Variants in PCSK5 observed in about 807,000 individuals in gnomAD.
PCSK5 encodes the protein proprotein convertase subtilisin/kexin type 5, also known as prohormone convertase 5.
A neutral mutation model predicts 233.2 loss-of-function variants in PCSK5; 129 were observed. The observed-to-expected ratio is 0.55, with a 90% CI of 0.48 to 0.64. PCSK5 has a LOEUF of 0.64. Ranked by LOEUF, PCSK5 falls within the 30% of genes least tolerant of loss-of-function variation. The pLI is 0.00. For missense variants in PCSK5, 2,076 were observed against 2,430.1 expected, an observed-to-expected ratio of 0.85 and a Z score of 3.06; for synonymous variants, 825 against 879.2, an observed-to-expected ratio of 0.94 and a Z score of 1.09.
intron 1 of PCSK5, among the ~76,000 whole-genome samples, chr9:75,904,063 G>A (rs75297312): frequency 0.021 from 3,167 of 152,116 alleles, 40 homozygotes; most frequent in South Asian, 0.033. Flanking sequence ...ACTATGGGGC[G>A]TCTTTCAATT....
At chr9:75,959,858 A>G (rs117384806) in intron 2 of PCSK5, among the ~76,000 whole-genome samples, 2,430 of 152,350 alleles carry the variant, frequency 0.016, 44 homozygotes, top group Middle Eastern at 0.051. Context: ...AAGGTATGGT[A>G]AGCTTTATGG....
At chr9:75,986,643 A>C (rs1826527400) in intron 3 of PCSK5, among the ~76,000 whole-genome samples, 1 of 152,188 alleles carries the variant, frequency 6.6e-6, no homozygotes, top group Non-Finnish European at 1.5e-5. Flanking sequence ...CTGGTTCTTG[A>C]ACATCATTGA....
intron 30 of PCSK5, among the ~76,000 whole-genome samples, chr9:76,318,273 A>T (rs865794939): frequency 6.6e-6 from 1 of 152,230 alleles, no homozygotes; most frequent in Middle Eastern, 3.4e-3. Context: ...CAATGAGAAC[A>T]CATGGACACA....
At chr9:76,066,228 G>C (rs967280578) in intron 5 of PCSK5, among the ~76,000 whole-genome samples, 4 of 152,122 alleles carry the variant, frequency 2.6e-5, no homozygotes, top group African/African-American at 9.7e-5. Flanking sequence ...TGGGTAGTAT[G>C]AACATTTTAG....
chr9:76,041,699 G>T (rs1175583373), intron 5 of PCSK5, among the ~76,000 whole-genome samples: 7 of 151,992 alleles, frequency 4.6e-5, no homozygotes, highest in Non-Finnish European at 1.0e-4. Context: ...AATTAGCCAG[G>T]TGTGGTGGCT....
intron 37 of PCSK5, among the ~76,000 whole-genome samples, chr9:76,357,303 G>C (rs1176633800): frequency 6.6e-6 from 1 of 152,138 alleles, no homozygotes; most frequent in Non-Finnish European, 1.5e-5. Context: ...GATCACCTGA[G>C]GTCAGGAATT....
At chr9:76,266,235 T>A (rs1827328001) in intron 24 of PCSK5, among the ~76,000 whole-genome samples, 1 of 152,194 alleles carries the variant, frequency 6.6e-6, no homozygotes, top group Non-Finnish European at 1.5e-5. Flanking sequence ...TTTAATAGGA[T>A]AAATTATTTC....
At chr9:76,331,875 C>G (rs1349535971) in intron 33 of PCSK5, among the ~76,000 whole-genome samples, 2 of 152,092 alleles carry the variant, frequency 1.3e-5, no homozygotes, top group African/African-American at 4.8e-5. Flanking sequence ...GGAACAGAGC[C>G]CTGTGGATCT....
At position 76,169,740 on chromosome 9, in the gene PCSK5, G is replaced by A. The variant is rs1196863184; in HGVS notation, c.1656G>A (p.Trp552Ter). The change falls in exon 13 of 38, where the codon TGG (tryptophan) becomes TGA (stop). Residue 552 changes from tryptophan to a stop codon, truncating the protein, a stop_gained. Transcript: ENST00000674117. LOFTEE classifies it high-confidence loss of function. ...FDHSMEGFKN[W>*]EFMTIHCWGE... ...ACTCCATGGAAGGATTCAAAAACTGGGAGTTCATGACCATTCATTGCTGGG... is the reference window on the plus strand; with the variant it reads ...ACTCCATGGAAGGATTCAAAAACTGAGAGTTCATGACCATTCATTGCTGGG... 6.2e-7 allele frequency: 1 copy of A among 1,613,302 alleles called. No homozygotes were observed. Among genetic ancestry groups the A allele is most frequent in the Non-Finnish European group, 8.5e-7 (1 of 1,179,464 alleles).
intron 12 of PCSK5, among the ~76,000 whole-genome samples, chr9:76,159,483 AT>A (rs1284704220): frequency 2.6e-5 from 4 of 152,194 alleles, no homozygotes. Context: ...CTCCCCCACC[AT>A]TAAGTATCTG....
At chr9:76,090,387 C>T (rs1018881163) in intron 7 of PCSK5, among the ~76,000 whole-genome samples, 4 of 151,990 alleles carry the variant, frequency 2.6e-5, no homozygotes, top group African/African-American at 7.2e-5. Flanking sequence ...CTTTGAATTG[C>T]TAATTGTTTA....
intron 24 of PCSK5, among the ~76,000 whole-genome samples, chr9:76,247,692 G>GA (rs1267000032): frequency 3.3e-5 from 5 of 152,034 alleles, no homozygotes; most frequent in Non-Finnish European, 7.4e-5. Context: ...TTGGCAAAGA[G>GA]AAAAAAGATA....
At chr9:76,180,003 C>CTTT (rs112435943) in intron 15 of PCSK5, among the ~76,000 whole-genome samples, 8 of 135,978 alleles carry the variant, frequency 5.9e-5, no homozygotes, top group African/African-American at 8.3e-5. Context: ...CCAGACCTTT[C>CTTT]TTTTTTTTTT....
chr9:75,910,714 G>T (rs1423451375), intron 1 of PCSK5, among the ~76,000 whole-genome samples: 1 of 151,772 alleles, frequency 6.6e-6, no homozygotes, highest in East Asian at 1.9e-4. Flanking sequence ...CTCTCTTTCT[G>T]CTTGCCAATA....
chr9:76,044,999 T>G (rs62558824), intron 5 of PCSK5, among the ~76,000 whole-genome samples: 8,826 of 152,222 alleles, frequency 0.058, 413 homozygotes, highest in East Asian at 0.25. Flanking sequence ...CAGATCACAG[T>G]CTATTCCTTC....
chr9:76,188,790 T>G lies in PCSK5; in HGVS notation c.2380+115T>G. ...ACTTTTAAAGTAATGCTGGAAAAGT[T>G]TATTTCTCGTTTGATAATTGTGTGT... On this transcript the variant is annotated intron_variant, in intron 18 of 37. Coordinates refer to ENST00000674117, the MANE Select transcript of PCSK5 (RefSeq NM_001372043.1). The G allele has an allele frequency of 6.8e-6, 5 of 736,258 alleles. No individual in the cohort carries two copies. In the South Asian group the frequency reaches 8.8e-5, roughly 13 times the overall value. The allele number at this position is 736,258 out of a possible 1,614,324, so 45.6% of individuals were successfully genotyped here.
At chr9:76,163,965 C>G (rs1279063653) in intron 12 of PCSK5, among the ~76,000 whole-genome samples, 1 of 145,768 alleles carries the variant, frequency 6.9e-6, no homozygotes, top group Non-Finnish European at 1.5e-5. Context: ...AAAGGTGAAA[C>G]TTTGCCTCCC....
intron 3 of PCSK5, among the ~76,000 whole-genome samples, chr9:75,988,929 T>C (rs535224708): frequency 6.6e-6 from 1 of 152,314 alleles, no homozygotes; most frequent in African/African-American, 2.4e-5. Context: ...TACGGTGCTG[T>C]GAGGAAGCCT....
chr9:76,108,997 TC>T lies in PCSK5; in HGVS notation c.1208+1649del, dbSNP rs1315488929. ...CCTGGAGATTGAGAGATATCCAAGC[TC>T]CCATGAATATTTGGATTTCTTTCTT... On this transcript the variant is annotated intron_variant, in intron 9 of 37. Transcript: ENST00000674117. 2.0e-5 allele frequency among the ~76,000 whole-genome samples: 3 copies of T among 152,198 alleles called. No homozygotes were observed. The East Asian group carries it at 5.8e-4, about 29-fold the overall frequency.
Sources: allele counts gnomAD v4.1 joint callset (sites outside exome capture counted in the v4.1 genomes callset), GRCh38; gene constraint gnomAD v4.1.1; transcripts MANE v1.5; gene names NCBI Gene and HGNC (gene_info 2026-07-23, HGNC 2026-07-21).